The following SPA17 variants were observed in gnomAD, a reference collection of about 807,000 sequenced individuals.
SPA17 encodes the protein sperm autoantigenic protein 17, also known as sperm surface protein Sp17.
In SPA17, 7 loss-of-function variants were observed where a neutral mutation model predicts 13.8. That is an observed-to-expected ratio of 0.51 (90% CI 0.29 to 0.95). The LOEUF is 0.95. Among genes scored for constraint, SPA17 ranks in the 40% least tolerant of loss-of-function variants. SPA17 has a pLI of 0.08. For missense variants in SPA17, 170 were observed against 179.3 expected, an observed-to-expected ratio of 0.95 and a Z score of 0.30; for synonymous variants, 61 against 59.0, an observed-to-expected ratio of 1.03 and a Z score of -0.16.
intron 4 of SPA17, 53 bp downstream of exon 4, chr11:124,691,835 C>A: frequency 2.6e-6 from 3 of 1,159,126 alleles, no homozygotes; most frequent in Non-Finnish European, 3.7e-6. Flanking sequence ...TGATATTGCC[C>A]AATTTAAAAC....
In SPA17 at chr11:124,681,414, G is replaced by A; in HGVS notation, c.180G>A (p.Trp60Ter). Residue 60 changes from tryptophan to a stop codon, truncating the protein, a stop_gained, in exon 3 of 5, where the codon TGG becomes TGA. Coordinates refer to ENST00000227135, the MANE Select transcript of SPA17 (RefSeq NM_017425.4). LOFTEE classifies it high-confidence loss of function. ...AAACCAACTTTGATCCAGCAGAATG[G>A]GGGAGTAAGGTAGAAGACCGCTTCT... ...REKTNFDPAE[W>*]GSKVEDRFYN... 3 of 1,578,636 alleles carry A rather than the reference G, an allele frequency of 1.9e-6. No homozygotes were observed. Among genetic ancestry groups the A allele is most frequent in the Non-Finnish European group, 1.7e-6 (2 of 1,159,722 alleles).
chr11:124,675,721 A>T (rs1460188888), intron 2 of SPA17: 1 of 244,150 alleles, frequency 4.1e-6, no homozygotes, highest in African/African-American at 2.3e-5. Flanking sequence ...AGTGGGGGAA[A>T]AAAAGATCAT....
chr11:124,688,577 T>C (rs1954794), intron 3 of SPA17, among the ~76,000 whole-genome samples: 40 of 152,122 alleles, frequency 2.6e-4, no homozygotes, highest in Non-Finnish European at 4.4e-4. Context: ...ATGAAACCAA[T>C]TGAAGATGAC....
Position 124,696,215 on chromosome 11 carries a change from C to T in SPA17, c.*1769C>T, listed in dbSNP as rs1943669910. ...AAGAAATCAGTTCTCCTCCAGGATT[C>T]CAGCTGTTCGTCCCTCCCATTCCAC... is the stretch of plus-strand genomic sequence containing the variant. On this transcript the variant is annotated 3_prime_UTR_variant, in exon 5 of 5. Transcript: ENST00000227135. 6.6e-6 allele frequency: 1 copy of T among 152,364 alleles called. No homozygotes were observed. Among genetic ancestry groups the T allele is most frequent in the Admixed American group, 6.5e-5 (1 of 15,284 alleles). The allele number at this position is 152,364 out of a possible 1,614,324, so 9.4% of individuals were successfully genotyped here.
intron 1 of SPA17, 36 bp downstream of exon 1, chr11:124,673,988 G>A (rs1323304655): frequency 5.9e-6 from 3 of 508,382 alleles, no homozygotes; most frequent in Non-Finnish European, 1.1e-5. Flanking sequence ...CCGATACCAA[G>A]ACCTAGCCTT....
At chr11:124,686,768 C>A (rs760469062) in intron 3 of SPA17, among the ~76,000 whole-genome samples, 12 of 152,006 alleles carry the variant, frequency 7.9e-5, no homozygotes, top group Non-Finnish European at 1.5e-4. Context: ...GGAAACACAA[C>A]ATAACAAAAC....
At chr11:124,690,644 T>C (rs570372009) in intron 3 of SPA17, among the ~76,000 whole-genome samples, 23 of 152,290 alleles carry the variant, frequency 1.5e-4, no homozygotes, top group Admixed American at 5.9e-4. Flanking sequence ...AAATTCAAAG[T>C]ATTGGGCCCC....
chr11:124,682,162 G>C (rs1324688129), intron 3 of SPA17, among the ~76,000 whole-genome samples: 2 of 152,044 alleles, frequency 1.3e-5, no homozygotes, highest in Non-Finnish European at 2.9e-5. Flanking sequence ...GAATGGTTCT[G>C]GTTAGGTACC....
intron 1 of SPA17, chr11:124,674,998 T>C (rs530164734): frequency 1.5e-5 from 4 of 273,980 alleles, no homozygotes; most frequent in African/African-American, 8.8e-5. Context: ...TTGAAAATTA[T>C]GGGTTTTTTG....
chr11:124,685,707 C>T (rs750668139), intron 3 of SPA17, among the ~76,000 whole-genome samples: 3 of 152,216 alleles, frequency 2.0e-5, no homozygotes, highest in Non-Finnish European at 4.4e-5. Context: ...TGGGATCCCA[C>T]TTGTTGCCTC....
chr11:124,691,194 T>C (rs905993509), intron 3 of SPA17, among the ~76,000 whole-genome samples: 1 of 152,214 alleles, frequency 6.6e-6, no homozygotes, highest in African/African-American at 2.4e-5. Flanking sequence ...TGGTTTCTCC[T>C]TTTATATTTA....
intron 3 of SPA17, among the ~76,000 whole-genome samples, chr11:124,683,196 C>T (rs1943544465): frequency 1.3e-5 from 2 of 152,162 alleles, no homozygotes; most frequent in South Asian, 2.1e-4. Flanking sequence ...CAAGGGCATT[C>T]GTCTGTACTA....
Position 124,694,192 on chromosome 11 carries a change from G to C in SPA17, c.313-111G>C, listed in dbSNP as rs1591409142. ...TATGAAATTCCCTCAGGAAGCAACA[G>C]CTCTCAGATAGTTGCATCCCTAAAA... On this transcript the variant is annotated intron_variant, in intron 4 of 4. Transcript: ENST00000227135. 2.2e-5 allele frequency: 29 copies of C among 1,347,350 alleles called. No individual in the cohort carries two copies. In the East Asian group the frequency reaches 6.6e-4, roughly 31 times the overall value. The allele number at this position is 1,347,350 out of a possible 1,614,324, so 83.5% of individuals were successfully genotyped here. A position where few individuals can be genotyped will look rare whatever the true frequency, so the allele number is the denominator to read the frequency against.
At chr11:124,688,444 T>A (rs968509305) in intron 3 of SPA17, among the ~76,000 whole-genome samples, 1 of 152,172 alleles carries the variant, frequency 6.6e-6, no homozygotes, top group African/African-American at 2.4e-5. Flanking sequence ...TATACACTAA[T>A]AACAGTCTAA....
chr11:124,696,998 C>A lies in SPA17; in HGVS notation c.*2552C>A, dbSNP rs1943679687. On this transcript the variant is annotated 3_prime_UTR_variant, in exon 5 of 5. Transcript: ENST00000227135. ...TTGCTCAGGCCAAAAACCTTGGATT[C>A]ATCTTTAATGCGTCACTTTCTTTCA... 6.6e-6 allele frequency: 1 copy of A among 152,178 alleles called. No homozygotes were observed. The highest frequency in any genetic ancestry group is 1.5e-5 in the Non-Finnish European group (1 of 68,036). The allele number at this position is 152,178 out of a possible 1,614,324, so 9.4% of individuals were successfully genotyped here. A position where few individuals can be genotyped will look rare whatever the true frequency, so the allele number is the denominator to read the frequency against.
At chr11:124,683,737 GTTTAT>G (rs59032482) in intron 3 of SPA17, among the ~76,000 whole-genome samples, 2,248 of 151,816 alleles carry the variant, frequency 0.015, 44 homozygotes, top group East Asian at 0.091. Flanking sequence ...CAACAAACAA[GTTTAT>G]TTTATAATGA....
chr11:124,690,851 G>A (rs765896639), intron 3 of SPA17, among the ~76,000 whole-genome samples: 9 of 152,138 alleles, frequency 5.9e-5, no homozygotes, highest in Non-Finnish European at 8.8e-5. Flanking sequence ...TGAAGAAGGA[G>A]CTGTCACTTA....
intron 2 of SPA17, 95 bp downstream of exon 2, chr11:124,675,513 C>A: frequency 7.3e-7 from 1 of 1,376,288 alleles, no homozygotes. Flanking sequence ...CTGCAGAAAG[C>A]CTTTTATGAG....
chr11:124,683,572 G>C (rs1038690691), intron 3 of SPA17, among the ~76,000 whole-genome samples: 2 of 150,624 alleles, frequency 1.3e-5, no homozygotes, highest in East Asian at 1.9e-4. Flanking sequence ...ACTATATGCT[G>C]CTAATAGGAA....
Sources: gnomAD v4.1 joint callset for allele counts (sites outside exome capture counted in the v4.1 genomes callset) on GRCh38, gnomAD v4.1.1 for gene constraint, MANE v1.5 for transcripts, NCBI Gene and HGNC (gene_info 2026-07-23, HGNC 2026-07-21) for gene names.